Variants in PDE1A observed in about 807,000 individuals in gnomAD.
PDE1A encodes phosphodiesterase 1A.
Under a neutral mutation model 61.7 loss-of-function variants are expected in PDE1A, and 35 were observed. The observed-to-expected ratio is 0.57, with a 90% confidence interval of 0.43 to 0.75. PDE1A has a LOEUF of 0.75. Among genes scored for constraint, PDE1A ranks in the 30% least tolerant of loss-of-function variants. PDE1A has a pLI of 0.00. For synonymous variants in PDE1A, 232 were observed against 213.2 expected (o/e 1.09, Z -0.77); for missense variants, 597 against 630.6 (o/e 0.95, Z 0.57).
intron 2 of PDE1A, among the ~76,000 whole-genome samples, chr2:182,453,767 T>C (rs182466857): frequency 1.8e-3 from 277 of 152,262 alleles, no homozygotes; most frequent in Non-Finnish European, 2.7e-3. Flanking sequence ...GGGATGTATC[T>C]CAAAATAATA....
At chr2:182,526,573 G>GA (rs1033694618), upstream of PDE1A, among the ~76,000 whole-genome samples, 41 of 152,242 alleles carry the variant, frequency 2.7e-4, no homozygotes, top group African/African-American at 9.1e-4. Flanking sequence ...TCTAGGAGAG[G>GA]AAAAACAAAA....
chr2:182,647,197 T>G, the PDE1A span, among the ~76,000 whole-genome samples: 2 of 152,180 alleles, frequency 1.3e-5, no homozygotes, highest in African/African-American at 4.8e-5. Flanking sequence ...GGAAGTCTCT[T>G]CTCTCAGGGG....
At chr2:182,229,783 T>C (rs79970565) in intron 6 of PDE1A, among the ~76,000 whole-genome samples, 3 of 132,524 alleles carry the variant, frequency 2.3e-5, no homozygotes, top group Non-Finnish European at 1.7e-5. Context: ...TGGGAAACTT[T>C]TTTTTTTTTT....
At chr2:182,626,762 C>CATATATATATACAT in the PDE1A span, among the ~76,000 whole-genome samples, 2 of 10,812 alleles carry the variant, frequency 1.8e-4, 1 homozygote, top group South Asian at 5.7e-3. Context: ...TATATATATA[C>CATATATATATACAT]ATATATATAC....
At chr2:182,312,832 A>G (rs1696077291) in intron 1 of PDE1A, among the ~76,000 whole-genome samples, 1 of 61,358 alleles carries the variant, frequency 1.6e-5, no homozygotes, top group South Asian at 5.0e-4. Flanking sequence ...ATGTTTTACC[A>G]AAAAAAAAAA....
the PDE1A span, among the ~76,000 whole-genome samples, chr2:182,709,071 C>T: frequency 6.6e-6 from 1 of 151,988 alleles, no homozygotes; most frequent in African/African-American, 2.4e-5. Flanking sequence ...TCTTCCTGAG[C>T]CTCAGTTTCC....
chr2:182,430,133 G>A (rs985311280), upstream of PDE1A, among the ~76,000 whole-genome samples: 4 of 151,888 alleles, frequency 2.6e-5, no homozygotes, highest in Non-Finnish European at 5.9e-5. Context: ...AAGAGCTTCT[G>A]CACAGCAAAA....
At chr2:182,551,958 A>G in the PDE1A span, among the ~76,000 whole-genome samples, 1 of 152,284 alleles carries the variant, frequency 6.6e-6, no homozygotes, top group South Asian at 2.1e-4. Context: ...GAGAAGCTAG[A>G]GATTACTCTG....
intron 1 of PDE1A, among the ~76,000 whole-genome samples, chr2:182,322,686 CA>C (rs2124849177): frequency 6.6e-6 from 1 of 152,164 alleles, no homozygotes; most frequent in East Asian, 1.9e-4. Flanking sequence ...TGTGATTCAC[CA>C]ATAGTTTTTA....
At chr2:182,258,751 T>C (rs1301963431) in intron 2 of PDE1A, among the ~76,000 whole-genome samples, 1 of 152,206 alleles carries the variant, frequency 6.6e-6, no homozygotes, top group Non-Finnish European at 1.5e-5. Context: ...TAGACATATC[T>C]GGTTTGGAAG....
chr2:182,184,276 C>A, intron 13 of PDE1A, among the ~76,000 whole-genome samples: 1 of 150,758 alleles, frequency 6.6e-6, no homozygotes, highest in African/African-American at 2.4e-5. Flanking sequence ...AAAAAAAGAC[C>A]TAGATATATC....
the PDE1A span, among the ~76,000 whole-genome samples, chr2:182,636,447 G>C: frequency 0.62 from 93,594 of 151,866 alleles, 29,078 homozygotes; most frequent in Admixed American, 0.71. Context: ...GGGAAGTTCA[G>C]AAACGCTGCT....
chr2:182,497,955 A>AG (rs1207007685), intron 2 of PDE1A, among the ~76,000 whole-genome samples: 1 of 148,840 alleles, frequency 6.7e-6, no homozygotes, highest in African/African-American at 2.5e-5. Flanking sequence ...CTGAGACAGG[A>AG]GAATGGCGTG....
chr2:182,326,581 A>C (rs1282549942), intron 1 of PDE1A, among the ~76,000 whole-genome samples: 1 of 152,200 alleles, frequency 6.6e-6, no homozygotes, highest in African/African-American at 2.4e-5. Flanking sequence ...ATTATTGTTA[A>C]ATGGATACAG....
intron 2 of PDE1A, among the ~76,000 whole-genome samples, chr2:182,484,984 T>C (rs1291634332): frequency 6.6e-6 from 1 of 151,216 alleles, no homozygotes; most frequent in Non-Finnish European, 1.5e-5. Flanking sequence ...AAAAGCAGGC[T>C]TACCATTCAA....
chr2:182,205,869 C>T (rs1687057421), intron 8 of PDE1A, 71 bp downstream of exon 8: 3 of 1,376,086 alleles, frequency 2.2e-6, no homozygotes, highest in South Asian at 2.7e-5. Context: ...CATCTTTTTT[C>T]TTGACTTTAA....
intron 1 of PDE1A, among the ~76,000 whole-genome samples, chr2:182,296,273 C>A (rs535360620): frequency 6.6e-6 from 1 of 152,120 alleles, no homozygotes; most frequent in African/African-American, 2.4e-5. Context: ...AGATTTCTAT[C>A]ATCTTTTTCT....
chr2:182,614,262 T>C, the PDE1A span, among the ~76,000 whole-genome samples: 3 of 152,256 alleles, frequency 2.0e-5, no homozygotes, highest in Admixed American at 6.5e-5. Context: ...GCTAAGAACA[T>C]TGTGCAGTGA....
chr2:182,468,656 C>A (rs1395183045), intron 2 of PDE1A, among the ~76,000 whole-genome samples: 1 of 151,922 alleles, frequency 6.6e-6, no homozygotes, highest in Non-Finnish European at 1.5e-5. Flanking sequence ...TTTGGAATAG[C>A]AAATCCTATC....
Sources: gnomAD v4.1 joint callset for allele counts (sites outside exome capture counted in the v4.1 genomes callset) on GRCh38, gnomAD v4.1.1 for gene constraint, MANE v1.5 for transcripts, NCBI Gene and HGNC (gene_info 2026-07-23, HGNC 2026-07-21) for gene names.